Variants in SLX4IP observed in about 807,000 individuals in gnomAD.
SLX4IP encodes the protein SLX4 interacting protein.
Under a neutral mutation model 32.9 loss-of-function variants are expected in SLX4IP, and 34 were observed. That is an observed-to-expected ratio of 1.03 (90% CI 0.79 to 1.38). SLX4IP has a LOEUF of 1.38. SLX4IP is among the 40% of genes most tolerant of loss of function. The pLI, the probability that SLX4IP is intolerant of heterozygous loss-of-function variation, is 0.00. For missense variants in SLX4IP, 444 were observed against 479.0 expected (o/e 0.93, Z 0.68); for synonymous variants, 172 against 171.7 (o/e 1.00, Z -0.01).
chr20:10,551,468 G>T (rs76092892), intron 2 of SLX4IP, among the ~76,000 whole-genome samples: 4,399 of 152,212 alleles, frequency 0.029, 109 homozygotes, highest in Admixed American at 0.09. Context: ...GGGCTAACTT[G>T]TTCTGTCATT....
chr20:10,574,536 A>G (rs968455923), intron 4 of SLX4IP, among the ~76,000 whole-genome samples: 1 of 152,096 alleles, frequency 6.6e-6, no homozygotes, highest in Non-Finnish European at 1.5e-5. Context: ...CAACTCCAGT[A>G]TTACTTTTGC....
chr20:10,587,484 G>A (rs1938843768), intron 4 of SLX4IP, among the ~76,000 whole-genome samples: 1 of 151,808 alleles, frequency 6.6e-6, no homozygotes, highest in African/African-American at 2.4e-5. Context: ...GAATAAAACA[G>A]GAAAAAAATA....
intron 2 of SLX4IP, among the ~76,000 whole-genome samples, chr20:10,550,029 T>G (rs2066202486): frequency 6.6e-6 from 1 of 152,184 alleles, no homozygotes; most frequent in Non-Finnish European, 1.5e-5. Context: ...GAGAAACTCT[T>G]TCTAGCTGTA....
intron 1 of SLX4IP, among the ~76,000 whole-genome samples, chr20:10,446,346 A>G (rs911649973): frequency 9.5e-5 from 14 of 148,066 alleles, no homozygotes; most frequent in Non-Finnish European, 1.5e-4. Context: ...CGGAGGGCAG[A>G]GGTTGCAGTG....
In SLX4IP at chr20:10,623,509, A is replaced by T; in HGVS notation, c.*130A>T. On this transcript the variant is annotated 3_prime_UTR_variant, in exon 8 of 8. Coordinates refer to ENST00000334534, the MANE Select transcript of SLX4IP (RefSeq NM_001009608.3). The stretch of plus-strand genomic sequence containing the variant: ...GACTAATTTAAATAGGAAGTGTGTT[A>T]TCTGTGTTATGGCTATGGTTTGTTT... 7.6e-7 allele frequency: 1 copy of T among 1,323,222 alleles called. No individual in the cohort carries two copies. The highest frequency in any genetic ancestry group is 1.5e-5 in the South Asian group (1 of 64,784). 82.0% of individuals were successfully genotyped at this position (1,323,222 alleles called of 1,614,324 possible).
At chr20:10,486,578 C>T (rs1356193972) in intron 2 of SLX4IP, among the ~76,000 whole-genome samples, 3 of 151,862 alleles carry the variant, frequency 2.0e-5, no homozygotes, top group South Asian at 2.1e-4. Flanking sequence ...TGTGAACATG[C>T]GTATTTAAAT....
At chr20:10,518,426 TCC>T (rs2065870312) in intron 2 of SLX4IP, among the ~76,000 whole-genome samples, 1 of 97,314 alleles carries the variant, frequency 1.0e-5, no homozygotes, top group Non-Finnish European at 2.3e-5. Flanking sequence ...CTTCCTTCCC[TCC>T]CTCCCTCCTT....
At chr20:10,566,968 T>C (rs748132728) in intron 4 of SLX4IP, among the ~76,000 whole-genome samples, 1 of 152,172 alleles carries the variant, frequency 6.6e-6, no homozygotes, top group Non-Finnish European at 1.5e-5. Context: ...TCAAATGTCA[T>C]CTACCCACCA....
At chr20:10,436,492 G>C (rs2065116519) in intron 1 of SLX4IP, among the ~76,000 whole-genome samples, 1 of 152,032 alleles carries the variant, frequency 6.6e-6, no homozygotes, top group Admixed American at 6.6e-5. Context: ...CAGTAGCTGG[G>C]ATTACAGGCG....
chr20:10,457,026 G>A (rs2065290581), intron 1 of SLX4IP, among the ~76,000 whole-genome samples: 1 of 152,066 alleles, frequency 6.6e-6, no homozygotes, highest in Non-Finnish European at 1.5e-5. Context: ...ACTATTCATT[G>A]TTGATATGTA....
At chr20:10,621,164 G>C in intron 6 of SLX4IP, 150 bp from the exon 7 acceptor site, 1 of 665,182 alleles carries the variant, frequency 1.5e-6, no homozygotes, top group Non-Finnish European at 2.6e-6. Flanking sequence ...AAAGTCCTAG[G>C]TAAAAAAGGT....
intron 2 of SLX4IP, among the ~76,000 whole-genome samples, chr20:10,475,163 C>T (rs1678773693): frequency 6.6e-6 from 1 of 152,216 alleles, no homozygotes; most frequent in Non-Finnish European, 1.5e-5. Context: ...GAGCCAGATC[C>T]CTGTCTCTGC....
chr20:10,605,370 C>T (rs1483758956), intron 6 of SLX4IP, among the ~76,000 whole-genome samples: 1 of 152,172 alleles, frequency 6.6e-6, no homozygotes, highest in African/African-American at 2.4e-5. Context: ...TGTGTTGGCC[C>T]TCAAGGAGCT....
intron 4 of SLX4IP, among the ~76,000 whole-genome samples, chr20:10,580,727 T>C (rs2066575350): frequency 6.6e-6 from 1 of 152,030 alleles, no homozygotes; most frequent in Non-Finnish European, 1.5e-5. Context: ...TTATTACTAT[T>C]TGAGGGGCAC....
chr20:10,573,123 C>T (rs984383424), intron 4 of SLX4IP, among the ~76,000 whole-genome samples: 10 of 152,234 alleles, frequency 6.6e-5, no homozygotes, highest in African/African-American at 1.4e-4. Flanking sequence ...CCATTCTCCC[C>T]GGCATCCCCG....
chr20:10,532,269 G>A (rs1011861005), intron 2 of SLX4IP, among the ~76,000 whole-genome samples: 4 of 151,976 alleles, frequency 2.6e-5, no homozygotes, highest in Non-Finnish European at 5.9e-5. Flanking sequence ...ATAAGTATGG[G>A]AGGGGATGGA....
In SLX4IP at chr20:10,574,305, T is replaced by C. The variant is rs2066498899; in HGVS notation, c.238+13485T>C. Reference sequence around the variant, plus strand: ...TGACCAGAGGTTGTCAAACTTCAATTTGAACCATTACAAGACCTTTCCCAT... The same window carrying C: ...TGACCAGAGGTTGTCAAACTTCAATCTGAACCATTACAAGACCTTTCCCAT... On this transcript the variant is annotated intron_variant, in intron 4 of 7. Transcript: ENST00000334534. Among the ~76,000 whole-genome samples, 7 of 152,326 alleles carry C rather than the reference T, an allele frequency of 4.6e-5. No homozygotes were observed. The South Asian group carries it at 1.2e-3, about 27-fold the overall frequency.
chr20:10,602,554 A>G (rs2066855232), intron 6 of SLX4IP, among the ~76,000 whole-genome samples: 1 of 152,142 alleles, frequency 6.6e-6, no homozygotes, highest in Non-Finnish European at 1.5e-5. Context: ...TTCTACACAG[A>G]CTTTTTTTCA....
At chr20:10,596,289 C>T (rs890743669) in intron 4 of SLX4IP, among the ~76,000 whole-genome samples, 3 of 152,100 alleles carry the variant, frequency 2.0e-5, no homozygotes, top group Admixed American at 2.0e-4. Flanking sequence ...CAGTGGTGAT[C>T]ATAGCTCACT....
Sources: allele counts gnomAD v4.1 joint callset (sites outside exome capture counted in the v4.1 genomes callset), GRCh38; gene constraint gnomAD v4.1.1; transcripts MANE v1.5; gene names NCBI Gene and HGNC (gene_info 2026-07-23, HGNC 2026-07-21).